COLQ: variants seen among roughly 807,000 people sequenced by gnomAD.
The protein encoded by COLQ is collagen like tail subunit of asymmetric acetylcholinesterase.
COLQ carries 48 observed loss-of-function variants against 69.0 expected under a neutral mutation model. The observed-to-expected ratio is 0.70, with a 90% confidence interval of 0.55 to 0.88. COLQ has a LOEUF of 0.88. COLQ is among the 40% of genes least tolerant of loss of function. The probability of loss-of-function intolerance (pLI) is 0.00; values close to 1 mark genes in which losing one functional copy is unlikely to be tolerated. For missense variants in COLQ, 618 were observed against 594.6 expected (o/e 1.04, Z -0.41); for synonymous variants, 217 against 211.2 (o/e 1.03, Z -0.24).
chr3:15,475,373 GC>G, intron 7 of COLQ, 51 bp downstream of exon 7: 1 of 1,510,448 alleles, frequency 6.6e-7, no homozygotes, highest in East Asian at 2.4e-5. Context: ...GACAGCAGCT[GC>G]TCCAGAGCCT....
At chr3:15,520,181 T>A (rs1039288000) in intron 1 of COLQ, among the ~76,000 whole-genome samples, 1 of 152,248 alleles carries the variant, frequency 6.6e-6, no homozygotes, top group African/African-American at 2.4e-5. Context: ...GGGGAATGAA[T>A]AATGACTACT....
At chr3:15,516,583 C>T (rs1467346308) in intron 1 of COLQ, among the ~76,000 whole-genome samples, 5 of 152,138 alleles carry the variant, frequency 3.3e-5, no homozygotes, top group Non-Finnish European at 5.9e-5. Flanking sequence ...GCAGGGTCAT[C>T]GATGGGGATG....
At chr3:15,510,101 C>T (rs1028425618) in intron 1 of COLQ, among the ~76,000 whole-genome samples, 4 of 151,772 alleles carry the variant, frequency 2.6e-5, no homozygotes, top group Admixed American at 6.6e-5. Context: ...GCGTGAGCCC[C>T]GGAGGCAGAG....
chr3:15,475,211 C>A, intron 7 of COLQ: 2 of 654,022 alleles, frequency 3.1e-6, no homozygotes, highest in Non-Finnish European at 5.3e-6. Flanking sequence ...AAGCTTGGTT[C>A]TTCCTGCCCA....
In COLQ at chr3:15,479,125, C is replaced by T. The variant is rs368599416; in HGVS notation, c.367-122G>A. 2.3e-4 allele frequency: 303 copies of T among 1,298,458 alleles called. No homozygotes were observed. The East Asian group carries it at 4.1e-3, about 17-fold the overall frequency. 80.4% of individuals were successfully genotyped at this position (1,298,458 alleles called of 1,614,324 possible). Reference sequence around the variant, plus strand: ...GGCTCAGTTGCTTGGCTGCTGCTCACGGCCCCTCTGCCATGTCGATAGGCC... The same window carrying T: ...GGCTCAGTTGCTTGGCTGCTGCTCATGGCCCCTCTGCCATGTCGATAGGCC... On this transcript the variant is annotated intron_variant, in intron 4 of 16. Coordinates refer to ENST00000383788, the MANE Select transcript of COLQ (RefSeq NM_005677.4).
In COLQ at chr3:15,455,882, G is replaced by A. The variant is rs2062017303; in HGVS notation, c.1195+17C>T. On this transcript the variant is annotated intron_variant, in intron 15 of 16. Coordinates refer to ENST00000383788, the MANE Select transcript of COLQ (RefSeq NM_005677.4). ...GCTGTTCAGGCCTCAGGTCCTCCTGGTCTGGGCCTCACTCACGGATGCAGT... is the reference window on the plus strand; with the variant it reads ...GCTGTTCAGGCCTCAGGTCCTCCTGATCTGGGCCTCACTCACGGATGCAGT... 1 of 1,613,894 alleles carries A rather than the reference G, an allele frequency of 6.2e-7. No homozygotes were observed. Among genetic ancestry groups the A allele is most frequent in the South Asian group, 1.1e-5 (1 of 91,074 alleles).
chr3:15,475,366 A>G lies in COLQ; in HGVS notation c.528+59T>C, dbSNP rs548801653. 6.1e-5 allele frequency: 88 copies of G among 1,446,362 alleles called. 1 individual carries two copies. In the African/African-American group the frequency reaches 1.1e-3, roughly 19 times the overall value. 89.6% of individuals were successfully genotyped at this position (1,446,362 alleles called of 1,614,324 possible). A position where few individuals can be genotyped will look rare whatever the true frequency, so the allele number is the denominator to read the frequency against. The stretch of plus-strand genomic sequence containing the variant: ...CCACCCAGTCCCTATGTTTGTAGAC[A>G]GCAGCTGCTCCAGAGCCTGACAGAG... On this transcript the variant is annotated intron_variant, in intron 7 of 16. Coordinates refer to ENST00000383788, the MANE Select transcript of COLQ (RefSeq NM_005677.4).
At chr3:15,485,450 C>A (rs774819521) in intron 3 of COLQ, among the ~76,000 whole-genome samples, 3 of 152,198 alleles carry the variant, frequency 2.0e-5, no homozygotes, top group Non-Finnish European at 4.4e-5. Flanking sequence ...AGAAATCAAC[C>A]GTCTTCTGCA....
intron 12 of COLQ, among the ~76,000 whole-genome samples, chr3:15,460,147 T>C (rs2125092322): frequency 6.6e-6 from 1 of 152,350 alleles, no homozygotes; most frequent in East Asian, 1.9e-4. Context: ...ATTGTGAGAT[T>C]ATTCCATCAA....
chr3:15,515,097 G>A (rs999343458), intron 1 of COLQ, among the ~76,000 whole-genome samples: 12 of 152,116 alleles, frequency 7.9e-5, no homozygotes, highest in Admixed American at 6.6e-4. Flanking sequence ...TGTCCCACGT[G>A]TCTTTCATTC....
At chr3:15,513,461 G>A (rs1225793074) in intron 1 of COLQ, among the ~76,000 whole-genome samples, 1 of 152,158 alleles carries the variant, frequency 6.6e-6, no homozygotes, top group Non-Finnish European at 1.5e-5. Context: ...GCAGGAAGAA[G>A]AGAGTGGTGA....
At chr3:15,521,208 T>G (rs569937190) in intron 1 of COLQ, among the ~76,000 whole-genome samples, 1 of 152,320 alleles carries the variant, frequency 6.6e-6, no homozygotes, top group Non-Finnish European at 1.5e-5. Context: ...CACCTCTGTC[T>G]CTTTTAAGCT....
intron 3 of COLQ, among the ~76,000 whole-genome samples, chr3:15,481,122 G>T (rs2062476607): frequency 1.3e-5 from 2 of 152,202 alleles, no homozygotes; most frequent in South Asian, 4.1e-4. Context: ...CAGATGGGTA[G>T]ATTGTAAAAA....
chr3:15,463,321 T>G (rs6782092), intron 12 of COLQ, among the ~76,000 whole-genome samples: 6,821 of 149,216 alleles, frequency 0.046, 484 homozygotes, highest in African/African-American at 0.15. Context: ...TTTGGTTTTG[T>G]TTTTTTTTGT....
rs1296535498 is a variant in COLQ at position 15,451,133 on chromosome 3, G to A, written c.*511C>T. 1 of 165,680 alleles carries A rather than the reference G, an allele frequency of 6.0e-6. No homozygotes were observed. The highest frequency in any genetic ancestry group is 1.3e-5 in the Non-Finnish European group (1 of 75,264). The allele number at this position is 165,680 out of a possible 1,614,324, so 10.3% of individuals were successfully genotyped here. ...TTCAAAGCTGTGAGCCACCCCGAGA[G>A]AACGTGCCCACTTCCCTGCTTTGTG... On this transcript the variant is annotated 3_prime_UTR_variant, in exon 17 of 17. Coordinates refer to ENST00000383788, the MANE Select transcript of COLQ (RefSeq NM_005677.4).
Position 15,453,849 on chromosome 3 carries a change from T to A in COLQ, c.1278A>T (p.Thr426=), listed in dbSNP as rs745502271. 1 of 1,611,590 alleles carries A rather than the reference T, an allele frequency of 6.2e-7. No individual in the cohort carries two copies. The highest frequency in any genetic ancestry group is 2.2e-5 in the East Asian group (1 of 44,734). ...CCTACCCAGGGAGATAGGTCTCGCATGTCAGGTAGCCAAAGTCAGAGCCGT... is the reference window on the plus strand; with the variant it reads ...CCTACCCAGGGAGATAGGTCTCGCAAGTCAGGTAGCCAAAGTCAGAGCCGT... ...DCDGSDFGYL[T]CETYLPGSYG... The change falls in exon 16 of 17, where the codon ACA becomes ACT. Residue 426 remains threonine, a synonymous_variant. Coordinates refer to ENST00000383788, the MANE Select transcript of COLQ (RefSeq NM_005677.4).
chr3:15,465,593 G>GT (rs1361221078), intron 12 of COLQ, among the ~76,000 whole-genome samples: 1 of 127,344 alleles, frequency 7.9e-6, no homozygotes, highest in African/African-American at 2.9e-5. Flanking sequence ...TTTTATTTTA[G>GT]TAATTTCTTT....
chr3:15,497,326 G>A (rs2062760430), intron 1 of COLQ, among the ~76,000 whole-genome samples: 1 of 152,182 alleles, frequency 6.6e-6, no homozygotes, highest in Admixed American at 6.5e-5. Flanking sequence ...TTACAGGCAT[G>A]AGCCACTGCA....
At chr3:15,471,435 T>G (rs1489142781) in intron 10 of COLQ, among the ~76,000 whole-genome samples, 1 of 152,242 alleles carries the variant, frequency 6.6e-6, no homozygotes, top group African/African-American at 2.4e-5. Flanking sequence ...TTCTTCTACA[T>G]GGATTCCAGC....
Sources: allele counts gnomAD v4.1 joint callset (sites outside exome capture counted in the v4.1 genomes callset), GRCh38; gene constraint gnomAD v4.1.1; transcripts MANE v1.5; gene names NCBI Gene and HGNC (gene_info 2026-07-23, HGNC 2026-07-21).